The following SCHIP1 variants were observed in gnomAD, a reference collection of about 807,000 sequenced individuals.
SCHIP1 encodes schwannomin-interacting protein 1.
A neutral mutation model predicts 29.7 loss-of-function variants in SCHIP1; 8 were observed. That is an observed-to-expected ratio of 0.27 (90% CI 0.16 to 0.49). The LOEUF (loss-of-function observed/expected upper bound fraction) is 0.49, where lower values mean the gene tolerates loss of function less well. Among genes scored for constraint, SCHIP1 ranks in the 20% least tolerant of loss-of-function variants. The pLI, the probability that SCHIP1 is intolerant of heterozygous loss-of-function variation, is 0.99. For missense variants in SCHIP1, 193 were observed against 294.6 expected (o/e 0.66, Z 2.52); for synonymous variants, 76 against 94.9 (o/e 0.80, Z 1.16).
the SCHIP1 span, among the ~76,000 whole-genome samples, chr3:159,381,750 C>A: frequency 3.9e-5 from 6 of 152,120 alleles, no homozygotes; most frequent in Admixed American, 2.0e-4. Context: ...CATGCACCAC[C>A]ATGCCTGGCT....
the SCHIP1 span, chr3:159,274,298 A>G: frequency 3.0e-6 from 3 of 984,898 alleles, no homozygotes; most frequent in Non-Finnish European, 3.6e-6. Flanking sequence ...TCAGTGTTAA[A>G]CTTTTTCAAT....
At chr3:159,766,820 T>A in the SCHIP1 span, among the ~76,000 whole-genome samples, 1 of 152,116 alleles carries the variant, frequency 6.6e-6, no homozygotes, top group Admixed American at 6.5e-5. Flanking sequence ...CTGCCTTCCC[T>A]CCAGGAACTT....
the SCHIP1 span, among the ~76,000 whole-genome samples, chr3:159,694,962 A>G: frequency 6.6e-6 from 1 of 152,186 alleles, no homozygotes; most frequent in Non-Finnish European, 1.5e-5. Context: ...TGAGTTATTT[A>G]GAAGACTTGT....
the SCHIP1 span, among the ~76,000 whole-genome samples, chr3:159,490,269 G>A: frequency 6.6e-6 from 1 of 152,170 alleles, no homozygotes; most frequent in Non-Finnish European, 1.5e-5. Context: ...ACTTTGAAAT[G>A]TTCAAGGCAT....
At chr3:159,704,870 TTCTTTC>T in the SCHIP1 span, among the ~76,000 whole-genome samples, 1 of 37,852 alleles carries the variant, frequency 2.6e-5, no homozygotes, top group Non-Finnish European at 6.0e-5. Context: ...CCTTTTTTCT[TTCTTTC>T]TTTCTTTCTT....
chr3:159,582,013 CAT>C, the SCHIP1 span, among the ~76,000 whole-genome samples: 1 of 152,098 alleles, frequency 6.6e-6, no homozygotes, highest in African/African-American at 2.4e-5. Flanking sequence ...AAAACTGAAT[CAT>C]GAGTTATATT....
intron 2 of SCHIP1, among the ~76,000 whole-genome samples, chr3:159,872,688 A>T (rs1381166423): frequency 2.0e-5 from 3 of 152,186 alleles, no homozygotes; most frequent in Non-Finnish European, 4.4e-5. Flanking sequence ...TCTCAGAATG[A>T]TGGTTAATAA....
chr3:159,639,543 C>T, the SCHIP1 span, among the ~76,000 whole-genome samples: 5 of 152,092 alleles, frequency 3.3e-5, no homozygotes, highest in South Asian at 2.1e-4. Context: ...GGCTAAATAA[C>T]GGCAAATATT....
chr3:159,616,100 T>C, the SCHIP1 span, among the ~76,000 whole-genome samples: 2 of 133,152 alleles, frequency 1.5e-5, no homozygotes, highest in African/African-American at 4.3e-5. Context: ...GAGAGCCAAG[T>C]GCACATTCTG....
the SCHIP1 span, among the ~76,000 whole-genome samples, chr3:159,714,103 G>A: frequency 6.6e-6 from 1 of 152,130 alleles, no homozygotes; most frequent in South Asian, 2.1e-4. Flanking sequence ...CAAGCGTGGT[G>A]GGAGGCACCT....
At chr3:159,560,997 G>T in the SCHIP1 span, among the ~76,000 whole-genome samples, 1 of 152,032 alleles carries the variant, frequency 6.6e-6, no homozygotes, top group South Asian at 2.1e-4. Context: ...TTTTTCTGTT[G>T]AAGACTTATT....
chr3:159,643,981 A>C, the SCHIP1 span, among the ~76,000 whole-genome samples: 1 of 152,038 alleles, frequency 6.6e-6, no homozygotes, highest in Non-Finnish European at 1.5e-5. Flanking sequence ...AAATTTGAAC[A>C]TGCTCTTTGC....
At chr3:159,881,690 C>A (rs1473465484) in intron 2 of SCHIP1, among the ~76,000 whole-genome samples, 1 of 152,242 alleles carries the variant, frequency 6.6e-6, no homozygotes, top group Non-Finnish European at 1.5e-5. Context: ...CCTGTAGCCT[C>A]TTGCTTCGTG....
the SCHIP1 span, among the ~76,000 whole-genome samples, chr3:159,801,628 G>A: frequency 1.3e-5 from 2 of 151,542 alleles, no homozygotes; most frequent in Admixed American, 6.6e-5. Flanking sequence ...TTTTGAAAAG[G>A]AAAAAAAATT....
the SCHIP1 span, chr3:159,275,214 G>C: frequency 2.5e-6 from 1 of 392,388 alleles, no homozygotes; most frequent in Non-Finnish European, 3.5e-6. Flanking sequence ...AAGAATGAAA[G>C]GTAGATTTAT....
the SCHIP1 span, among the ~76,000 whole-genome samples, chr3:159,337,084 C>T: frequency 2.0e-5 from 3 of 152,064 alleles, no homozygotes; most frequent in Non-Finnish European, 4.4e-5. Context: ...ATAAACAGAA[C>T]CAATGAAGAA....
the SCHIP1 span, among the ~76,000 whole-genome samples, chr3:159,443,411 T>A: frequency 1.8e-4 from 27 of 152,248 alleles, no homozygotes; most frequent in African/African-American, 5.3e-4. Flanking sequence ...GTGGAGCCAA[T>A]CACTTTTCTC....
the SCHIP1 span, among the ~76,000 whole-genome samples, chr3:159,433,947 C>T: frequency 6.6e-6 from 1 of 152,188 alleles, no homozygotes; most frequent in Non-Finnish European, 1.5e-5. Context: ...TGCCTCCATG[C>T]TCTAGTAACA....
At chr3:159,549,225 C>T in the SCHIP1 span, among the ~76,000 whole-genome samples, 1 of 152,108 alleles carries the variant, frequency 6.6e-6, no homozygotes, top group Non-Finnish European at 1.5e-5. Context: ...CAGGCATTCT[C>T]CTTTCTGGGA....
Sources: gnomAD v4.1 joint callset for allele counts (sites outside exome capture counted in the v4.1 genomes callset) on GRCh38, gnomAD v4.1.1 for gene constraint, MANE v1.5 for transcripts, NCBI Gene and HGNC (gene_info 2026-07-23, HGNC 2026-07-21) for gene names.